The following MDGA2 variants were observed in gnomAD, a reference collection of about 807,000 sequenced individuals.
The protein encoded by MDGA2 is MAM domain containing glycosylphosphatidylinositol anchor 2, also known as MAM domain-containing glycosylphosphatidylinositol anchor protein 2.
In MDGA2, 40 loss-of-function variants were observed where a neutral mutation model predicts 117.8. The ratio of observed to expected loss-of-function variants is 0.34; its 90% CI spans 0.26 to 0.44. MDGA2 has a LOEUF of 0.44. Ranked by LOEUF, MDGA2 falls within the 20% of genes least tolerant of loss-of-function variation. The probability of loss-of-function intolerance (pLI) is 1.00; values close to 1 mark genes in which losing one functional copy is unlikely to be tolerated. For synonymous variants in MDGA2, 452 were observed against 439.0 expected (o/e 1.03, Z -0.37); for missense variants, 1,123 against 1,250.6 (o/e 0.90, Z 1.54).
At chr14:46,865,342 G>C (rs939413811) in intron 14 of MDGA2, among the ~76,000 whole-genome samples, 32 of 151,896 alleles carry the variant, frequency 2.1e-4, no homozygotes, top group African/African-American at 4.8e-4. Flanking sequence ...ATTCAACAAC[G>C]CTTCATGCTA....
At chr14:47,107,430 T>A (rs1322684961) in intron 5 of MDGA2, among the ~76,000 whole-genome samples, 5 of 152,176 alleles carry the variant, frequency 3.3e-5, no homozygotes, top group East Asian at 3.9e-4. Flanking sequence ...CTGTTCTAGA[T>A]CTCAAACATG....
At chr14:47,609,427 TC>T (rs1896799329) in intron 1 of MDGA2, among the ~76,000 whole-genome samples, 1 of 6,934 alleles carries the variant, frequency 1.4e-4, no homozygotes, top group African/African-American at 2.7e-4. Context: ...TAGTATTCCA[TC>T]ATATATATAT....
At chr14:47,458,007 AT>A (rs34331194) in intron 1 of MDGA2, among the ~76,000 whole-genome samples, 36,125 of 146,636 alleles carry the variant, frequency 0.25, 5,004 homozygotes, top group South Asian at 0.48. Context: ...TCTTCCCCAT[AT>A]TTTTTTTTTT....
chr14:47,161,035 C>A (rs1883611515), intron 3 of MDGA2, among the ~76,000 whole-genome samples: 1 of 151,882 alleles, frequency 6.6e-6, no homozygotes, highest in South Asian at 2.1e-4. Flanking sequence ...TCCTTTCTTC[C>A]CTATTTTATT....
chr14:46,844,748 T>C lies in MDGA2; in HGVS notation c.2989+1018A>G, dbSNP rs113552366. Among the ~76,000 whole-genome samples the C allele has an allele frequency of 4.7e-3, 717 of 152,258 alleles. 7 individuals carry two copies. The highest frequency in any genetic ancestry group is 0.016 in the African/African-American group (676 of 41,562). On this transcript the variant is annotated intron_variant, in intron 16 of 16. Coordinates refer to ENST00000399232, the MANE Select transcript of MDGA2 (RefSeq NM_001113498.3). The stretch of plus-strand genomic sequence containing the variant: ...TTCAAGGGAGAGACCAAATCTCATC[T>C]TGAAATATAATCCGCATAATCCCCA...
chr14:47,002,444 T>TAGGCC (rs1887565334), intron 8 of MDGA2, among the ~76,000 whole-genome samples: 1 of 152,092 alleles, frequency 6.6e-6, no homozygotes, highest in Non-Finnish European at 1.5e-5. Flanking sequence ...TAAAAATTTT[T>TAGGCC]AGGCCAGGCA....
At chr14:47,127,546 T>C (rs755120131) in intron 5 of MDGA2, among the ~76,000 whole-genome samples, 3 of 152,100 alleles carry the variant, frequency 2.0e-5, no homozygotes, top group Non-Finnish European at 4.4e-5. Flanking sequence ...GTTGAATAGG[T>C]ACTAGTTTAT....
At chr14:47,166,093 T>C (rs59742377) in intron 3 of MDGA2, among the ~76,000 whole-genome samples, 13 of 147,824 alleles carry the variant, frequency 8.8e-5, no homozygotes, top group East Asian at 8.2e-4. Flanking sequence ...TGGACTGCAA[T>C]AGGGTGATCC....
At chr14:47,373,443 C>T (rs541409404) in intron 1 of MDGA2, among the ~76,000 whole-genome samples, 1 of 152,152 alleles carries the variant, frequency 6.6e-6, no homozygotes, top group South Asian at 2.1e-4. Flanking sequence ...TAAAATGTGG[C>T]ATATCCATAT....
chr14:47,047,050 T>C (rs911531822), intron 7 of MDGA2, among the ~76,000 whole-genome samples: 3 of 152,170 alleles, frequency 2.0e-5, no homozygotes, highest in African/African-American at 7.2e-5. Context: ...TGCCTAGGAC[T>C]AGGGGCAAGA....
Position 47,233,898 on chromosome 14 carries a change from A to G in MDGA2, c.421-15703T>C, listed in dbSNP as rs1323716870. On this transcript the variant is annotated intron_variant, in intron 2 of 16. Transcript: ENST00000399232. ...AGAACCCCTACTAATGGATCTCTCT[A>G]TTAGCCTCACAACTTGCACTCAGGT... is the stretch of plus-strand genomic sequence containing the variant. 2.0e-5 allele frequency among the ~76,000 whole-genome samples: 3 copies of G among 152,144 alleles called. No homozygotes were observed. In the East Asian group the frequency reaches 5.8e-4, roughly 29 times the overall value.
At chr14:47,656,908 G>C (rs1413889128) in intron 1 of MDGA2, among the ~76,000 whole-genome samples, 1 of 152,094 alleles carries the variant, frequency 6.6e-6, no homozygotes, top group Non-Finnish European at 1.5e-5. Context: ...TCAAACTATA[G>C]AGCGTCACGG....
chr14:47,241,229 TACC>T (rs897465270), intron 2 of MDGA2, among the ~76,000 whole-genome samples: 1 of 151,806 alleles, frequency 6.6e-6, no homozygotes, highest in Admixed American at 6.6e-5. Context: ...GGAAGGGAAA[TACC>T]TTAAGTAATC....
chr14:46,861,832 GT>G (rs1363349622), intron 14 of MDGA2, among the ~76,000 whole-genome samples: 1 of 151,888 alleles, frequency 6.6e-6, no homozygotes, highest in Non-Finnish European at 1.5e-5. Flanking sequence ...TAGTTCTTAA[GT>G]TTATAAAAGA....
chr14:47,288,233 G>A (rs762730493), intron 2 of MDGA2, among the ~76,000 whole-genome samples: 5 of 152,250 alleles, frequency 3.3e-5, no homozygotes, highest in Non-Finnish European at 7.4e-5. Context: ...CATGAAATAT[G>A]TTTACATTCA....
rs578153705 is a variant in MDGA2 at position 47,577,256 on chromosome 14, C to T, written c.280+97261G>A. Among the ~76,000 whole-genome samples, 38 of 152,150 alleles carry T rather than the reference C, an allele frequency of 2.5e-4. No individual in the cohort carries two copies. In the South Asian group the frequency reaches 7.2e-3, roughly 29 times the overall value. ...CAGAAAATTGAAGCTGAATCCCTTC[C>T]TTACACCTCATACATTTTATATAAA... is the stretch of plus-strand genomic sequence containing the variant. On this transcript the variant is annotated intron_variant, in intron 1 of 16. Coordinates refer to ENST00000399232, the MANE Select transcript of MDGA2 (RefSeq NM_001113498.3).
intron 1 of MDGA2, among the ~76,000 whole-genome samples, chr14:47,384,687 G>C (rs1476307318): frequency 6.6e-6 from 1 of 152,194 alleles, no homozygotes; most frequent in South Asian, 2.1e-4. Flanking sequence ...GGGTGCCACA[G>C]TACTTCCATA....
intron 1 of MDGA2, among the ~76,000 whole-genome samples, chr14:47,376,259 T>C (rs1891476198): frequency 6.6e-6 from 1 of 152,166 alleles, no homozygotes; most frequent in Non-Finnish European, 1.5e-5. Context: ...GTGTGCCTGA[T>C]GCTGGAGCTC....
chr14:47,334,316 C>T (rs1468513129), intron 1 of MDGA2, among the ~76,000 whole-genome samples: 2 of 151,834 alleles, frequency 1.3e-5, no homozygotes, highest in Non-Finnish European at 2.9e-5. Context: ...AAATCCTTTT[C>T]GTAGGAAATC....
Sources: gnomAD v4.1 joint callset for allele counts (sites outside exome capture counted in the v4.1 genomes callset) on GRCh38, gnomAD v4.1.1 for gene constraint, MANE v1.5 for transcripts, NCBI Gene and HGNC (gene_info 2026-07-23, HGNC 2026-07-21) for gene names.